The following MARCHF11 variants were observed in gnomAD, a reference collection of about 807,000 sequenced individuals.
MARCHF11 encodes membrane associated ring-CH-type finger 11.
In MARCHF11, 29 loss-of-function variants were observed where a neutral mutation model predicts 37.3. The ratio of observed to expected loss-of-function variants is 0.78; its 90% CI spans 0.58 to 1.06. The LOEUF (loss-of-function observed/expected upper bound fraction) is 1.06, where lower values mean the gene tolerates loss of function less well. MARCHF11 is among the 50% of genes least tolerant of loss of function. MARCHF11 has a pLI of 0.00. For missense variants in MARCHF11, 482 were observed against 533.4 expected (o/e 0.90, Z 0.95); for synonymous variants, 233 against 228.0 (o/e 1.02, Z -0.20).
chr5:16,155,152 A>G (rs896343323), intron 2 of MARCHF11, among the ~76,000 whole-genome samples: 2 of 151,906 alleles, frequency 1.3e-5, no homozygotes, highest in Non-Finnish European at 2.9e-5. Flanking sequence ...AAAAGTAGAG[A>G]GCCATACACA....
At chr5:16,077,019 A>T (rs916020937) in intron 3 of MARCHF11, among the ~76,000 whole-genome samples, 1 of 152,230 alleles carries the variant, frequency 6.6e-6, no homozygotes, top group African/African-American at 2.4e-5. Flanking sequence ...GGTACATTGC[A>T]GCGTTTGGAT....
intron 2 of MARCHF11, among the ~76,000 whole-genome samples, chr5:16,097,327 T>C (rs972479611): frequency 1.3e-5 from 2 of 152,214 alleles, no homozygotes; most frequent in Admixed American, 1.3e-4. Context: ...ATTTTCATGA[T>C]TTGGTATGAG....
At chr5:16,144,159 C>T (rs536047756) in intron 2 of MARCHF11, among the ~76,000 whole-genome samples, 2 of 152,262 alleles carry the variant, frequency 1.3e-5, no homozygotes, top group African/African-American at 4.8e-5. Context: ...ATTGAGCTAA[C>T]ACATATGAAA....
chr5:16,086,964 G>C (rs1736711297), intron 3 of MARCHF11, among the ~76,000 whole-genome samples: 1 of 152,128 alleles, frequency 6.6e-6, no homozygotes, highest in Non-Finnish European at 1.5e-5. Context: ...ATCTTCCTTT[G>C]TCCACTGTGC....
intron 2 of MARCHF11, among the ~76,000 whole-genome samples, chr5:16,106,035 G>A (rs567684516): frequency 3.9e-5 from 6 of 152,308 alleles, no homozygotes; most frequent in African/African-American, 1.4e-4. Flanking sequence ...CATAAACTGT[G>A]TAGAAGAGAC....
intron 2 of MARCHF11, among the ~76,000 whole-genome samples, chr5:16,165,478 C>T (rs369426297): frequency 5.5e-4 from 84 of 152,160 alleles, no homozygotes; most frequent in African/African-American, 1.6e-3. Flanking sequence ...TATATCCAGA[C>T]GACCACATTA....
intron 3 of MARCHF11, among the ~76,000 whole-genome samples, chr5:16,076,857 A>T (rs1374795910): frequency 6.6e-6 from 1 of 152,200 alleles, no homozygotes. Context: ...AAAGCCAGTC[A>T]TCACCGGTGT....
intron 2 of MARCHF11, among the ~76,000 whole-genome samples, chr5:16,113,690 G>T (rs897161808): frequency 6.6e-6 from 1 of 151,782 alleles, no homozygotes. Context: ...GATATATATG[G>T]GGCATGTATT....
At chr5:16,165,896 C>T (rs922758310) in intron 2 of MARCHF11, among the ~76,000 whole-genome samples, 5 of 152,048 alleles carry the variant, frequency 3.3e-5, no homozygotes, top group African/African-American at 1.2e-4. Context: ...TTGAGCTCTA[C>T]CTCCTGGAGG....
At chr5:16,161,404 A>T (rs1209790328) in intron 2 of MARCHF11, among the ~76,000 whole-genome samples, 1 of 151,698 alleles carries the variant, frequency 6.6e-6, no homozygotes, top group Non-Finnish European at 1.5e-5. Context: ...ATTCTTAATA[A>T]CCCACTTATG....
chr5:16,125,626 T>A (rs995454882), intron 2 of MARCHF11, among the ~76,000 whole-genome samples: 1 of 29,528 alleles, frequency 3.4e-5, no homozygotes, highest in African/African-American at 3.8e-4. Flanking sequence ...TCTCTGTGTG[T>A]GTGTGTGTGT....
chr5:16,082,571 G>A (rs1367833358), intron 3 of MARCHF11, among the ~76,000 whole-genome samples: 3 of 152,124 alleles, frequency 2.0e-5, no homozygotes, highest in Admixed American at 1.3e-4. Flanking sequence ...TGCAAAGGTC[G>A]CCTTAGTAGT....
At chr5:16,174,225 T>C (rs962853724) in intron 2 of MARCHF11, among the ~76,000 whole-genome samples, 1 of 152,234 alleles carries the variant, frequency 6.6e-6, no homozygotes, top group Non-Finnish European at 1.5e-5. Context: ...TAGGCTTTAC[T>C]CTCAAATTGT....
chr5:16,113,102 A>G (rs1023469445), intron 2 of MARCHF11, among the ~76,000 whole-genome samples: 2 of 152,198 alleles, frequency 1.3e-5, no homozygotes, highest in African/African-American at 4.8e-5. Flanking sequence ...TACATTGCCA[A>G]TACCACTAGT....
intron 2 of MARCHF11, among the ~76,000 whole-genome samples, chr5:16,112,547 C>G (rs1179820569): frequency 6.6e-6 from 1 of 152,168 alleles, no homozygotes. Context: ...TAGGAAGTAA[C>G]TAACTAGCTT....
At chr5:16,151,555 T>A (rs1579414155) in intron 2 of MARCHF11, among the ~76,000 whole-genome samples, 1 of 151,030 alleles carries the variant, frequency 6.6e-6, no homozygotes, top group East Asian at 1.9e-4. Context: ...TTTTTTTTTT[T>A]TTGTCTCCTA....
chr5:16,137,768 A>C (rs1295284964), intron 2 of MARCHF11, among the ~76,000 whole-genome samples: 1 of 152,206 alleles, frequency 6.6e-6, no homozygotes, highest in Non-Finnish European at 1.5e-5. Flanking sequence ...CTGGAGGAAC[A>C]GTGATTCTTG....
intron 2 of MARCHF11, among the ~76,000 whole-genome samples, chr5:16,115,363 G>A (rs1357458017): frequency 1.3e-5 from 2 of 152,170 alleles, no homozygotes; most frequent in African/African-American, 2.4e-5. Context: ...AGCTGAGGAC[G>A]ACTGTCAAGT....
At chr5:16,178,898 G>T in intron 1 of MARCHF11, 141 bp downstream of exon 1, 1 of 1,040,730 alleles carries the variant, frequency 9.6e-7, no homozygotes, top group Non-Finnish European at 1.3e-6. Flanking sequence ...GCATATTGGA[G>T]CCAGCGCTCA....
Sources: gnomAD v4.1 joint callset for allele counts (sites outside exome capture counted in the v4.1 genomes callset) on GRCh38, gnomAD v4.1.1 for gene constraint, MANE v1.5 for transcripts, NCBI Gene and HGNC (gene_info 2026-07-23, HGNC 2026-07-21) for gene names.